The following CNTNAP5 variants were observed in gnomAD, a reference collection of about 807,000 sequenced individuals.
The protein encoded by CNTNAP5 is contactin-associated protein-like 5.
A neutral mutation model predicts 150.2 loss-of-function variants in CNTNAP5; 72 were observed. That is an observed-to-expected ratio of 0.48 (90% confidence interval 0.40 to 0.58). The LOEUF is 0.58. Among genes scored for constraint, CNTNAP5 ranks in the 20% least tolerant of loss-of-function variants. The pLI is 0.00. For synonymous variants in CNTNAP5, 672 were observed against 619.8 expected (o/e 1.08, Z -1.25); for missense variants, 1,636 against 1,626.2 (o/e 1.01, Z -0.10).
At chr2:124,460,378 C>T (rs946810537) in intron 6 of CNTNAP5, among the ~76,000 whole-genome samples, 1 of 152,124 alleles carries the variant, frequency 6.6e-6, no homozygotes, top group African/African-American at 2.4e-5. Flanking sequence ...ATTTAAAAGA[C>T]AGTTCTTATA....
At chr2:124,111,577 G>T (rs935077177) in intron 1 of CNTNAP5, among the ~76,000 whole-genome samples, 1 of 152,054 alleles carries the variant, frequency 6.6e-6, no homozygotes, top group Non-Finnish European at 1.5e-5. Flanking sequence ...CATCACTGAT[G>T]TCAGTAACTA....
intron 1 of CNTNAP5, among the ~76,000 whole-genome samples, chr2:124,152,135 A>G (rs772870877): frequency 2.0e-5 from 3 of 152,204 alleles, no homozygotes; most frequent in Non-Finnish European, 2.9e-5. Flanking sequence ...CAACTTGCTG[A>G]CTGCGCTCTA....
intron 3 of CNTNAP5, among the ~76,000 whole-genome samples, chr2:124,245,444 A>G (rs1358179225): frequency 6.6e-6 from 1 of 152,124 alleles, no homozygotes; most frequent in African/African-American, 2.4e-5. Flanking sequence ...TAAGACAAGA[A>G]CAATAGTCAA....
At chr2:124,422,910 G>T (rs1237617343) in intron 4 of CNTNAP5, among the ~76,000 whole-genome samples, 1 of 152,158 alleles carries the variant, frequency 6.6e-6, no homozygotes, top group Non-Finnish European at 1.5e-5. Context: ...TTTTGTTGTT[G>T]TTGGTTCTAG....
chr2:124,524,639 G>A (rs1161563519), intron 9 of CNTNAP5, among the ~76,000 whole-genome samples, 187 bp downstream of exon 9: 1 of 152,134 alleles, frequency 6.6e-6, no homozygotes, highest in Non-Finnish European at 1.5e-5. Context: ...TCTCACAGCT[G>A]TGTGCAAATA....
intron 5 of CNTNAP5, among the ~76,000 whole-genome samples, chr2:124,439,988 A>G (rs557655102): frequency 6.6e-6 from 1 of 152,274 alleles, no homozygotes; most frequent in Non-Finnish European, 1.5e-5. Flanking sequence ...GAAATGAGGG[A>G]GAATGAGAGT....
intron 1 of CNTNAP5, among the ~76,000 whole-genome samples, chr2:124,180,983 T>C (rs772357922): frequency 1.7e-4 from 26 of 151,592 alleles, no homozygotes; most frequent in Non-Finnish European, 3.4e-4. Flanking sequence ...AAGGCCACCA[T>C]GAAGTCCCCT....
chr2:124,763,965 T>A lies in CNTNAP5; in HGVS notation c.2363-12T>A. 6.2e-7 allele frequency: 1 copy of A among 1,608,064 alleles called. No individual in the cohort carries two copies. The highest frequency in any genetic ancestry group is 8.5e-7 in the Non-Finnish European group (1 of 1,176,916). On this transcript the variant is annotated splice_polypyrimidine_tract_variant and intron_variant, in intron 15 of 23. Coordinates refer to ENST00000682447, the MANE Select transcript of CNTNAP5 (RefSeq NM_001367498.1). ...AACGATAAACCATGTTGAAGGATTT[T>A]CTCATTTGCAGGACGCTTCTGGAAC...
At chr2:124,763,596 A>G in intron 14 of CNTNAP5, 76 bp from the exon 15 acceptor site, 1 of 1,455,386 alleles carries the variant, frequency 6.9e-7, no homozygotes, top group East Asian at 2.4e-5. Flanking sequence ...TCACTTCTGA[A>G]AAGAGGGGTC....
At chr2:124,685,798 G>A (rs1404503850) in intron 13 of CNTNAP5, among the ~76,000 whole-genome samples, 1 of 151,774 alleles carries the variant, frequency 6.6e-6, no homozygotes, top group Non-Finnish European at 1.5e-5. Context: ...GTGATAGCGA[G>A]GGAATGAATG....
At chr2:124,084,548 C>A (rs1018359642) in intron 1 of CNTNAP5, among the ~76,000 whole-genome samples, 1 of 152,046 alleles carries the variant, frequency 6.6e-6, no homozygotes, top group Non-Finnish European at 1.5e-5. Flanking sequence ...GGATTACAAG[C>A]CTGAGCCACC....
At chr2:124,584,416 C>T (rs745733031) in intron 11 of CNTNAP5, among the ~76,000 whole-genome samples, 1 of 152,132 alleles carries the variant, frequency 6.6e-6, no homozygotes, top group African/African-American at 2.4e-5. Context: ...TGTATTTAAT[C>T]TGGAAATGGG....
At chr2:124,588,865 A>G (rs998890879) in intron 11 of CNTNAP5, among the ~76,000 whole-genome samples, 1 of 152,016 alleles carries the variant, frequency 6.6e-6, no homozygotes, top group Non-Finnish European at 1.5e-5. Flanking sequence ...TGCCTTTCTC[A>G]CAGAGCCAGA....
At chr2:124,215,933 CA>C (rs1431276330) in intron 1 of CNTNAP5, among the ~76,000 whole-genome samples, 1 of 152,096 alleles carries the variant, frequency 6.6e-6, no homozygotes, top group Non-Finnish European at 1.5e-5. Flanking sequence ...CACCTACAAA[CA>C]GTAAGGAAAC....
At chr2:124,570,606 A>G (rs1264187684) in intron 11 of CNTNAP5, among the ~76,000 whole-genome samples, 1 of 151,962 alleles carries the variant, frequency 6.6e-6, no homozygotes, top group African/African-American at 2.4e-5. Context: ...TTTGTTCATC[A>G]GTTTCTTTTT....
chr2:124,885,549 TCA>T (rs3980831), intron 21 of CNTNAP5, among the ~76,000 whole-genome samples: 6,804 of 145,174 alleles, frequency 0.047, 191 homozygotes, highest in South Asian at 0.081. Context: ...AACATTTTCA[TCA>T]CACACACACA....
intron 3 of CNTNAP5, among the ~76,000 whole-genome samples, chr2:124,324,739 CAGG>C (rs1424477681): frequency 6.6e-6 from 1 of 152,052 alleles, no homozygotes; most frequent in Non-Finnish European, 1.5e-5. Flanking sequence ...AGAAGGCAAG[CAGG>C]AGGACTTTCT....
At chr2:124,427,060 T>C (rs1315108721) in intron 4 of CNTNAP5, among the ~76,000 whole-genome samples, 1 of 152,200 alleles carries the variant, frequency 6.6e-6, no homozygotes, top group African/African-American at 2.4e-5. Context: ...TAATGGGTTC[T>C]TAAAAATCGA....
chr2:124,274,772 C>T (rs1687846504), intron 3 of CNTNAP5, among the ~76,000 whole-genome samples: 1 of 152,154 alleles, frequency 6.6e-6, no homozygotes, highest in Non-Finnish European at 1.5e-5. Flanking sequence ...GGATTGTCTG[C>T]TCCAGTGTTG....
Sources: gnomAD v4.1 joint callset for allele counts (sites outside exome capture counted in the v4.1 genomes callset) on GRCh38, gnomAD v4.1.1 for gene constraint, MANE v1.5 for transcripts, NCBI Gene and HGNC (gene_info 2026-07-23, HGNC 2026-07-21) for gene names.